SAMD12: variants seen among roughly 807,000 people sequenced by gnomAD.
SAMD12 encodes sterile alpha motif domain containing 12.
SAMD12 carries 9 observed loss-of-function variants against 15.0 expected under a neutral mutation model. That is an observed-to-expected ratio of 0.60 (90% CI 0.36 to 1.05). The LOEUF is 1.05. Ranked by LOEUF, SAMD12 falls within the 50% of genes least tolerant of loss-of-function variation. The pLI is 0.01. For missense variants in SAMD12, 230 were observed against 234.2 expected, an observed-to-expected ratio of 0.98 and a Z score of 0.12; for synonymous variants, 86 against 90.1, an observed-to-expected ratio of 0.96 and a Z score of 0.25.
At chr8:118,239,657 C>T (rs1229833256) in intron 4 of SAMD12, among the ~76,000 whole-genome samples, 1 of 152,156 alleles carries the variant, frequency 6.6e-6, no homozygotes, top group African/African-American at 2.4e-5. Context: ...TTGTTCTTCC[C>T]ATCCAGGGTT....
At chr8:118,470,240 TA>T (rs1823753464) in intron 2 of SAMD12, among the ~76,000 whole-genome samples, 3 of 148,740 alleles carry the variant, frequency 2.0e-5, no homozygotes, top group African/African-American at 7.8e-5. Flanking sequence ...CTCAATATGT[TA>T]TCTTTTTTTT....
chr8:118,473,305 C>A (rs1306230050), intron 2 of SAMD12, among the ~76,000 whole-genome samples: 1 of 152,110 alleles, frequency 6.6e-6, no homozygotes, highest in Non-Finnish European at 1.5e-5. Flanking sequence ...CTAAGTAGTC[C>A]CTTTCTTAAC....
At chr8:118,163,181 C>T in the SAMD12 span, among the ~76,000 whole-genome samples, 1 of 152,004 alleles carries the variant, frequency 6.6e-6, no homozygotes, top group Non-Finnish European at 1.5e-5. Flanking sequence ...GGGACGTCAT[C>T]ACAGCTCACT....
chr8:118,437,265 G>T lies in SAMD12; in HGVS notation c.322+2567C>A, dbSNP rs533229974. Among the ~76,000 whole-genome samples, 3 of 152,310 alleles carry T rather than the reference G, an allele frequency of 2.0e-5. No homozygotes were observed. In the East Asian group the frequency reaches 5.8e-4, roughly 29 times the overall value. ...CACTCTTAGAGAAGCAGGGGCCAGA[G>T]AACAGGGGAAGAGAGTTGTCTTCTG... On this transcript the variant is annotated intron_variant, in intron 3 of 3. Transcript: ENST00000314727.
intron 2 of SAMD12, among the ~76,000 whole-genome samples, chr8:118,553,880 A>G (rs1461214979): frequency 6.7e-6 from 1 of 150,202 alleles, no homozygotes; most frequent in East Asian, 1.9e-4. Context: ...AAGGACATGA[A>G]CAGACACTTC....
chr8:118,226,634 C>T (rs911337076), intron 4 of SAMD12, among the ~76,000 whole-genome samples: 22 of 152,066 alleles, frequency 1.4e-4, no homozygotes, highest in Admixed American at 1.4e-3. Flanking sequence ...GCTGGTAATA[C>T]AAAGATAAGT....
intron 1 of SAMD12, among the ~76,000 whole-genome samples, chr8:118,613,686 G>A (rs1828163561): frequency 6.6e-6 from 1 of 151,904 alleles, no homozygotes; most frequent in South Asian, 2.1e-4. Flanking sequence ...GATCTTAATT[G>A]GGCCATGGCA....
At chr8:118,362,548 C>A (rs951720542) in intron 4 of SAMD12, among the ~76,000 whole-genome samples, 1 of 152,102 alleles carries the variant, frequency 6.6e-6, no homozygotes, top group Non-Finnish European at 1.5e-5. Context: ...GAAATGAATA[C>A]CCAAATACTT....
chr8:118,305,653 A>T (rs999232533), intron 4 of SAMD12, among the ~76,000 whole-genome samples: 1 of 152,176 alleles, frequency 6.6e-6, no homozygotes, highest in Non-Finnish European at 1.5e-5. Context: ...TGCTTTACAA[A>T]TGTATCAACT....
intron 2 of SAMD12, among the ~76,000 whole-genome samples, chr8:118,545,035 A>G (rs896184131): frequency 3.9e-5 from 6 of 152,218 alleles, no homozygotes; most frequent in African/African-American, 1.4e-4. Context: ...CTCTAGGGCA[A>G]CTGATAAAAT....
chr8:118,356,351 G>A (rs1818222506), intron 4 of SAMD12, among the ~76,000 whole-genome samples: 1 of 152,184 alleles, frequency 6.6e-6, no homozygotes, highest in African/African-American at 2.4e-5. Context: ...GGAAGCCGGT[G>A]TAGGGCACCA....
the SAMD12 span, among the ~76,000 whole-genome samples, chr8:118,178,591 G>A: frequency 6.6e-5 from 10 of 151,738 alleles, no homozygotes; most frequent in Non-Finnish European, 1.2e-4. Context: ...TCAGCCTCCC[G>A]AGTAGCTGGG....
At chr8:118,593,157 AT>A (rs915804584) in intron 1 of SAMD12, among the ~76,000 whole-genome samples, 3 of 152,194 alleles carry the variant, frequency 2.0e-5, no homozygotes, top group Non-Finnish European at 4.4e-5. Flanking sequence ...ACATATATAT[AT>A]TTTTTGTAAT....
intron 4 of SAMD12, among the ~76,000 whole-genome samples, chr8:118,243,119 T>C (rs1171035192): frequency 2.0e-5 from 3 of 152,144 alleles, no homozygotes; most frequent in African/African-American, 4.8e-5. Context: ...AGGCATCAAA[T>C]AGAACCTTGA....
Position 118,439,898 on chromosome 8 carries a change from A to T in SAMD12, c.256T>A (p.Leu86Met). Residue 86 changes from leucine (L) to methionine (M), a missense_variant, in exon 3 of 4, where the codon TTG becomes ATG. Transcript: ENST00000314727. The part of the protein sequence containing the change: ...LWTQQDVCKW[L>M]KKHCPNQYQI... ...TACTGATTCGGACAATGTTTCTTCA[A>T]CCACTTGCAGACATCCTGCTGGGTC... The T allele has an allele frequency of 4.3e-6, 7 of 1,613,696 alleles. No individual in the cohort carries two copies. Among genetic ancestry groups the T allele is most frequent in the Non-Finnish European group, 5.9e-6 (7 of 1,179,628 alleles).
chr8:118,500,325 G>T (rs147074763), intron 2 of SAMD12, among the ~76,000 whole-genome samples: 2,803 of 151,472 alleles, frequency 0.019, 81 homozygotes, highest in African/African-American at 0.058. Context: ...TAATCCACCC[G>T]CCTTGGCCTC....
At chr8:118,554,441 C>T (rs1372158649) in intron 2 of SAMD12, among the ~76,000 whole-genome samples, 3 of 150,470 alleles carry the variant, frequency 2.0e-5, no homozygotes, top group South Asian at 4.2e-4. Context: ...GAACAAAAAA[C>T]CAAACACCGC....
intron 2 of SAMD12, among the ~76,000 whole-genome samples, chr8:118,498,525 G>A (rs528932386): frequency 2.0e-5 from 3 of 152,226 alleles, no homozygotes; most frequent in Admixed American, 6.5e-5. Context: ...ATAATGTCAC[G>A]ACTGCACCCC....
At chr8:118,321,755 T>G (rs1011241012) in intron 4 of SAMD12, among the ~76,000 whole-genome samples, 1 of 152,214 alleles carries the variant, frequency 6.6e-6, no homozygotes, top group African/African-American at 2.4e-5. Flanking sequence ...GCCTTCCTAT[T>G]TATGAGCTAT....
Sources: allele counts gnomAD v4.1 joint callset (sites outside exome capture counted in the v4.1 genomes callset), GRCh38; gene constraint gnomAD v4.1.1; transcripts MANE v1.5; gene names NCBI Gene and HGNC (gene_info 2026-07-23, HGNC 2026-07-21).